The following ZC3H14 variants were observed in gnomAD, a reference collection of about 807,000 sequenced individuals.
ZC3H14 encodes the protein zinc finger CCCH domain-containing protein 14.
Under a neutral mutation model 92.4 loss-of-function variants are expected in ZC3H14, and 31 were observed. That is an observed-to-expected ratio of 0.34 (90% CI 0.25 to 0.45). ZC3H14 has a LOEUF of 0.45. Ranked by LOEUF, ZC3H14 falls within the 20% of genes least tolerant of loss-of-function variation. The probability of loss-of-function intolerance (pLI) is 1.00; values close to 1 mark genes in which losing one functional copy is unlikely to be tolerated. For synonymous variants in ZC3H14, 321 were observed against 300.9 expected (o/e 1.07, Z -0.69); for missense variants, 781 against 897.3 (o/e 0.87, Z 1.66).
At position 88,614,354 on chromosome 14, in the gene ZC3H14, C is replaced by T. The variant is rs1473744277; in HGVS notation, c.*2603C>T. ...AAGCTTCTTAGCCCCATAATCAGTC[C>T]TTCAGCCACAGCTATTTAGAGCTTT... On this transcript the variant is annotated 3_prime_UTR_variant, in exon 17 of 17. Transcript: ENST00000251038. 2.6e-5 allele frequency: 4 copies of T among 152,184 alleles called. No homozygotes were observed. The highest frequency in any genetic ancestry group is 5.9e-5 in the Non-Finnish European group (4 of 68,020). The allele number at this position is 152,184 out of a possible 1,614,324, so 9.4% of individuals were successfully genotyped here. A position where few individuals can be genotyped will look rare whatever the true frequency, so the allele number is the denominator to read the frequency against.
chr14:88,582,155 A>G (rs2081982041), intron 9 of ZC3H14, among the ~76,000 whole-genome samples: 2 of 152,264 alleles, frequency 1.3e-5, no homozygotes, highest in Non-Finnish European at 2.9e-5. Flanking sequence ...TTCTTTTAAA[A>G]TGATTTCAGC....
chr14:88,597,052 A>G (rs948879288), intron 10 of ZC3H14, among the ~76,000 whole-genome samples: 2 of 152,088 alleles, frequency 1.3e-5, no homozygotes, highest in Non-Finnish European at 2.9e-5. Flanking sequence ...TGTCCCTAGC[A>G]CTGTCGGCTG....
At chr14:88,596,405 G>A (rs1432058741) in intron 9 of ZC3H14, among the ~76,000 whole-genome samples, 1 of 152,146 alleles carries the variant, frequency 6.6e-6, no homozygotes, top group Admixed American at 6.5e-5. Flanking sequence ...GATGCGAGCT[G>A]CTGGGCCACA....
At position 88,624,876 on chromosome 14, in the gene ZC3H14, C is replaced by T; in HGVS notation, c.*13125C>T. On this transcript the variant is annotated 3_prime_UTR_variant, in exon 17 of 17. Coordinates refer to ENST00000251038, the MANE Select transcript of ZC3H14 (RefSeq NM_024824.5). ...ATGAGGAGGAAGGTCGGAGAGGACA[C>T]TCTGTGTAGCCTAGAAACAACTAGA... is the stretch of plus-strand genomic sequence containing the variant. The T allele has an allele frequency of 7.1e-7, 1 of 1,416,704 alleles. No homozygotes were observed. The highest frequency in any genetic ancestry group is 9.5e-7 in the Non-Finnish European group (1 of 1,047,326). The allele number at this position is 1,416,704 out of a possible 1,614,324, so 87.8% of individuals were successfully genotyped here. A position where few individuals can be genotyped will look rare whatever the true frequency, so the allele number is the denominator to read the frequency against.
Position 88,612,770 on chromosome 14 carries a change from C to CTGTATTACTTACAGAGTTTT in ZC3H14, c.*1021_*1040dup, listed in dbSNP as rs1431011904. 1 of 152,434 alleles carries CTGTATTACTTACAGAGTTTT rather than the reference C, an allele frequency of 6.6e-6. No individual in the cohort carries two copies. The allele number at this position is 152,434 out of a possible 1,614,324, so 9.4% of individuals were successfully genotyped here. On this transcript the variant is annotated 3_prime_UTR_variant, in exon 17 of 17. Coordinates refer to ENST00000251038, the MANE Select transcript of ZC3H14 (RefSeq NM_024824.5). ...TAGATAGGATGAAACTTTTGGCCTA[C>CTGTATTACTTACAGAGTTTT]TGTATTACTTACAGAGTTTTTTTGT...
Position 88,627,061 on chromosome 14 carries a change from C to A in ZC3H14, c.*15310C>A. On this transcript the variant is annotated 3_prime_UTR_variant, in exon 17 of 17. Transcript: ENST00000251038. ...AATTTTGGCACCTGACAAGATACAA[C>A]AAAATTATCTAGGTTATTACAAGAA... is the stretch of plus-strand genomic sequence containing the variant. The A allele has an allele frequency of 6.2e-7, 1 of 1,612,490 alleles. No individual in the cohort carries two copies.
intron 14 of ZC3H14, 37 bp from the exon 15 acceptor site, chr14:88,609,675 A>G (rs1595119426): frequency 6.2e-7 from 1 of 1,611,542 alleles, no homozygotes; most frequent in Non-Finnish European, 8.5e-7. Context: ...GGTTTTCCAA[A>G]CAGATTGGAG....
chr14:88,594,950 C>G, intron 9 of ZC3H14: 7 of 1,613,866 alleles, frequency 4.3e-6, no homozygotes, highest in Non-Finnish European at 5.9e-6. Context: ...GTTAGAGTGT[C>G]CAAGAATGAA....
chr14:88,580,714 G>C (rs2081813686), intron 9 of ZC3H14, among the ~76,000 whole-genome samples: 1 of 152,088 alleles, frequency 6.6e-6, no homozygotes, highest in Admixed American at 6.5e-5. Flanking sequence ...TGAAACTGTT[G>C]TCTGAAAAAT....
intron 10 of ZC3H14, among the ~76,000 whole-genome samples, 161 bp from the exon 11 acceptor site, chr14:88,601,763 G>A (rs1196720721): frequency 6.6e-6 from 1 of 152,124 alleles, no homozygotes; most frequent in Non-Finnish European, 1.5e-5. Flanking sequence ...AAACATGTTT[G>A]GAATAGAATT....
Position 88,626,437 on chromosome 14 carries a change from T to C in ZC3H14, c.*14686T>C, listed in dbSNP as rs1034423898. On this transcript the variant is annotated 3_prime_UTR_variant, in exon 17 of 17. Transcript: ENST00000251038. ...GGAGCTTGAGACCACCTAGGCAACATAGCGAAACCCTGTCTCTACTAAAAA... is the reference window on the plus strand; with the variant it reads ...GGAGCTTGAGACCACCTAGGCAACACAGCGAAACCCTGTCTCTACTAAAAA... The C allele has an allele frequency of 1.1e-5, 2 of 184,796 alleles. No homozygotes were observed. Among genetic ancestry groups the C allele is most frequent in the African/African-American group, 4.7e-5 (2 of 42,218 alleles). The allele number at this position is 184,796 out of a possible 1,614,324, so 11.4% of individuals were successfully genotyped here. A position where few individuals can be genotyped will look rare whatever the true frequency, so the allele number is the denominator to read the frequency against.
At chr14:88,584,780 G>A (rs927839624) in intron 9 of ZC3H14, among the ~76,000 whole-genome samples, 2 of 152,022 alleles carry the variant, frequency 1.3e-5, no homozygotes, top group Admixed American at 6.5e-5. Flanking sequence ...ATAACACCAG[G>A]GGACCCATAA....
chr14:88,570,232 G>A (rs1595508930), intron 3 of ZC3H14, among the ~76,000 whole-genome samples: 1 of 152,168 alleles, frequency 6.6e-6, no homozygotes, highest in East Asian at 1.9e-4. Context: ...GCCCCAAACA[G>A]ACTATTGTGA....
intron 12 of ZC3H14, among the ~76,000 whole-genome samples, chr14:88,603,952 T>C (rs1466634917): frequency 6.6e-6 from 1 of 152,234 alleles, no homozygotes; most frequent in African/African-American, 2.4e-5. Flanking sequence ...CGTTTCCTAC[T>C]GTGAATCAAT....
chr14:88,572,474 ATCC>A, intron 5 of ZC3H14, 101 bp from the exon 6 acceptor site: 1 of 1,396,478 alleles, frequency 7.2e-7, no homozygotes, highest in South Asian at 1.2e-5. Flanking sequence ...TAAAGGGAGT[ATCC>A]TCAGTTTTTT....
intron 2 of ZC3H14, among the ~76,000 whole-genome samples, chr14:88,567,050 C>T (rs1180788656): frequency 2.0e-5 from 3 of 151,622 alleles, no homozygotes; most frequent in Non-Finnish European, 4.4e-5. Context: ...AATCCTAGAC[C>T]TCACTCTCAT....
At position 88,626,810 on chromosome 14, in the gene ZC3H14, C is replaced by A; in HGVS notation, c.*15059C>A. On this transcript the variant is annotated 3_prime_UTR_variant, in exon 17 of 17. Coordinates refer to ENST00000251038, the MANE Select transcript of ZC3H14 (RefSeq NM_024824.5). ...CAAGAGAATGTAAAGTAGTCAAAGT[C>A]ACACTATGTGCATTTTAAGAGACAT... 6.2e-7 allele frequency: 1 copy of A among 1,610,020 alleles called. No homozygotes were observed. The highest frequency in any genetic ancestry group is 1.1e-5 in the South Asian group (1 of 90,802).
intron 9 of ZC3H14, chr14:88,589,130 TAAGGAAAGGTAGTGCAG>T (rs2082795037): frequency 6.6e-6 from 1 of 152,196 alleles, no homozygotes; most frequent in Non-Finnish European, 1.5e-5. Context: ...GTTCCTAGTT[TAAGGAAAGGTAGTGCAG>T]AGGCTTACCT....
At chr14:88,574,065 TG>T (rs529316085) in intron 6 of ZC3H14, among the ~76,000 whole-genome samples, 4 of 152,186 alleles carry the variant, frequency 2.6e-5, no homozygotes, top group Non-Finnish European at 5.9e-5. Flanking sequence ...TAAATTAATT[TG>T]GGGGGTTTCA....
Sources: allele counts gnomAD v4.1 joint callset (sites outside exome capture counted in the v4.1 genomes callset), GRCh38; gene constraint gnomAD v4.1.1; transcripts MANE v1.5; gene names NCBI Gene and HGNC (gene_info 2026-07-23, HGNC 2026-07-21).